Variants in PAK3 observed in about 807,000 individuals in gnomAD.
The protein encoded by PAK3 is p21 (RAC1) activated kinase 3.
PAK3 carries 4 observed loss-of-function variants against 41.0 expected under a neutral mutation model. The observed-to-expected ratio is 0.10, with a 90% CI of 0.05 to 0.22. The LOEUF is 0.22. Among genes scored for constraint, PAK3 ranks in the 10% least tolerant of loss-of-function variants. The pLI is 1.00. For synonymous variants in PAK3, 146 were observed against 139.6 expected (o/e 1.05, Z -0.32); for missense variants, 205 against 409.9 (o/e 0.50, Z 4.32).
At chrX:111,017,977 G>A (rs1440612097) in intron 1 of PAK3, among the ~76,000 whole-genome samples, 1 of 111,179 alleles carries the variant, frequency 9.0e-6, no homozygotes, top group Admixed American at 9.6e-5. Flanking sequence ...GCATGAAGGG[G>A]AAAACCACAT....
At chrX:111,060,870 C>A (rs2092649715) in intron 1 of PAK3, among the ~76,000 whole-genome samples, 1 of 111,547 alleles carries the variant, frequency 9.0e-6, no homozygotes, top group South Asian at 3.7e-4. Flanking sequence ...TCAAATTTAA[C>A]ATTTTTATTG....
intron 1 of PAK3, among the ~76,000 whole-genome samples, chrX:110,958,602 G>A (rs137995995): frequency 2.7e-3 from 297 of 111,872 alleles, no homozygotes; most frequent in Non-Finnish European, 4.3e-3. Flanking sequence ...CTTGAATAAC[G>A]TGATGAAAGG....
At chrX:111,181,153 A>G (rs747825369) in intron 11 of PAK3, among the ~76,000 whole-genome samples, 10 of 112,173 alleles carry the variant, frequency 8.9e-5, no homozygotes, top group Non-Finnish European at 1.9e-4. Flanking sequence ...CTAACAAGAA[A>G]GCATGTGGCA....
rs771416826 is a variant in PAK3, at chrX:111,223,649, G to C, written c.*3202G>C. 9.0e-6 allele frequency: 1 copy of C among 110,764 alleles called. No individual in the cohort carries two copies. Among genetic ancestry groups the C allele is most frequent in the African/African-American group, 3.3e-5 (1 of 30,349 alleles). 9.1% of individuals were successfully genotyped at this position (110,764 alleles called of 1,213,427 possible). On this transcript the variant is annotated 3_prime_UTR_variant, in exon 18 of 18. Coordinates refer to ENST00000372007, the MANE Select transcript of PAK3 (RefSeq NM_002578.5). ...GGTGAAGCACATTCCATTGCTAAAA[G>C]AAAAAGAAACACGAAATTGCTTCCT...
At chrX:110,955,085 G>A (rs2090827151) in intron 1 of PAK3, among the ~76,000 whole-genome samples, 1 of 112,071 alleles carries the variant, frequency 8.9e-6, no homozygotes, top group Non-Finnish European at 1.9e-5. Flanking sequence ...ATGCAGCAAA[G>A]GATATTTGGC....
Position 110,948,780 on chromosome X carries a change from G to A in PAK3, c.-28+4152G>A, listed in dbSNP as rs1007984133. 2.7e-5 allele frequency among the ~76,000 whole-genome samples: 3 copies of A among 111,728 alleles called. No individual in the cohort carries two copies. The South Asian group carries it at 1.1e-3, about 43-fold the overall frequency. ...CAGATTAGCTCTTCTCTGCATGAAA[G>A]CAGCAAGCTTCAGTTGTAATAGGAA... On this transcript the variant is annotated intron_variant, in intron 1 of 14. Transcript: ENST00000425146.
intron 1 of PAK3, among the ~76,000 whole-genome samples, chrX:111,004,195 T>C (rs1461340041): frequency 9.0e-6 from 1 of 111,614 alleles, no homozygotes; most frequent in African/African-American, 3.3e-5. Context: ...TGGAGAGAGC[T>C]TAGAGTGCCA....
chrX:111,058,910 G>T (rs1345595621), intron 1 of PAK3, among the ~76,000 whole-genome samples: 3 of 111,031 alleles, frequency 2.7e-5, no homozygotes, highest in Non-Finnish European at 5.7e-5. Flanking sequence ...ATTTGTTGAA[G>T]AAACTGCTTT....
At chrX:111,029,838 A>G (rs73537196) in intron 1 of PAK3, among the ~76,000 whole-genome samples, 2,146 of 112,150 alleles carry the variant, frequency 0.019, 55 homozygotes, top group African/African-American at 0.067. Context: ...TAAGAACAAC[A>G]AGGATCACTT....
In PAK3 at chrX:111,028,974, T is replaced by TA. The variant is rs1179908825; in HGVS notation, c.-28+84358dup. 6.1e-4 allele frequency among the ~76,000 whole-genome samples: 64 copies of TA among 104,111 alleles called. No individual in the cohort carries two copies. In the Middle Eastern group the frequency reaches 0.015, roughly 24 times the overall value. 90.4% of individuals were successfully genotyped at this position (104,111 alleles called of 115,157 possible). A position where few individuals can be genotyped will look rare whatever the true frequency, so the allele number is the denominator to read the frequency against. ...ATAGGGAGACCCTGTCTCTACAATT[T>TA]AAAAAAAAAAAATTAGCTGTGCCAC... On this transcript the variant is annotated intron_variant, in intron 1 of 14. Coordinates refer to the PAK3 transcript ENST00000425146.
At chrX:110,988,127 T>G in intron 1 of PAK3, among the ~76,000 whole-genome samples, 1 of 113,016 alleles carries the variant, frequency 8.8e-6, no homozygotes, top group South Asian at 3.7e-4. Context: ...TAGTCCTTGT[T>G]AAAACATACA....
At chrX:110,946,516 T>C (rs770893262) in intron 1 of PAK3, among the ~76,000 whole-genome samples, 1 of 112,500 alleles carries the variant, frequency 8.9e-6, no homozygotes, top group Non-Finnish European at 1.9e-5. Context: ...GGACAATATT[T>C]ACATTGCAGA....
chrX:111,029,395 AC>A (rs1024611424), intron 1 of PAK3, among the ~76,000 whole-genome samples: 1 of 111,502 alleles, frequency 9.0e-6, no homozygotes, highest in African/African-American at 3.3e-5. Context: ...CCAAAACTTA[AC>A]TACTAATAGC....
chrX:111,168,362 T>G, intron 10 of PAK3, among the ~76,000 whole-genome samples: 1 of 111,992 alleles, frequency 8.9e-6, no homozygotes, highest in Non-Finnish European at 1.9e-5. Context: ...TTTAAAAAAC[T>G]TTCTCCCTAT....
chrX:111,158,067 T>C (rs7054718), intron 8 of PAK3, among the ~76,000 whole-genome samples: 4,058 of 111,788 alleles, frequency 0.036, 183 homozygotes, highest in African/African-American at 0.12. Context: ...AAAGCATTAC[T>C]TTGATAAAGT....
At chrX:111,173,997 A>G (rs1239550183) in intron 11 of PAK3, among the ~76,000 whole-genome samples, 1 of 111,456 alleles carries the variant, frequency 9.0e-6, no homozygotes, top group East Asian at 2.8e-4. Flanking sequence ...GGCACCTCAG[A>G]CTTTTCCTGG....
At chrX:110,955,186 G>A (rs1371619545) in intron 1 of PAK3, among the ~76,000 whole-genome samples, 1 of 112,020 alleles carries the variant, frequency 8.9e-6, no homozygotes, top group Non-Finnish European at 1.9e-5. Context: ...CAGACTATAC[G>A]TATGGGACCA....
intron 16 of PAK3, among the ~76,000 whole-genome samples, chrX:111,209,308 C>T (rs2094793211): frequency 9.0e-6 from 1 of 111,691 alleles, no homozygotes; most frequent in Non-Finnish European, 1.9e-5. Context: ...TCTCCACAAG[C>T]CTCAGTTTCT....
At chrX:110,989,658 G>C (rs568287832) in intron 1 of PAK3, among the ~76,000 whole-genome samples, 7 of 112,167 alleles carry the variant, frequency 6.2e-5, no homozygotes, top group African/African-American at 2.3e-4. Context: ...TAAATTGGCA[G>C]CTTCTAATGA....
Sources: gnomAD v4.1 joint callset for allele counts (sites outside exome capture counted in the v4.1 genomes callset) on GRCh38, gnomAD v4.1.1 for gene constraint, MANE v1.5 for transcripts, NCBI Gene and HGNC (gene_info 2026-07-23, HGNC 2026-07-21) for gene names.